Variants in ATRX observed in about 807,000 individuals in gnomAD.
The protein encoded by ATRX is ATRX chromatin remodeler.
In ATRX, 12 loss-of-function variants were observed where a neutral mutation model predicts 172.6. The observed-to-expected ratio is 0.07, with a 90% CI of 0.04 to 0.11. The LOEUF is 0.11. Among genes scored for constraint, ATRX ranks in the 10% least tolerant of loss-of-function variants. The pLI, the probability that ATRX is intolerant of heterozygous loss-of-function variation, is 1.00. For missense variants in ATRX, 1,368 were observed against 1,767.4 expected (o/e 0.77, Z 4.05); for synonymous variants, 674 against 594.7 (o/e 1.13, Z -1.94).
At chrX:77,519,907 G>A (rs2063172129) in intron 34 of ATRX, among the ~76,000 whole-genome samples, 2 of 111,910 alleles carry the variant, frequency 1.8e-5, no homozygotes, top group Admixed American at 9.5e-5. Context: ...AGCAACCTAA[G>A]TATCAACCAA....
At chrX:77,750,841 C>T (rs192477974) in intron 1 of ATRX, among the ~76,000 whole-genome samples, 1 of 111,474 alleles carries the variant, frequency 9.0e-6, no homozygotes, top group Non-Finnish European at 1.9e-5. Flanking sequence ...CATCCATGTA[C>T]CTGCAAAAGA....
intron 1 of ATRX, among the ~76,000 whole-genome samples, chrX:77,747,742 G>A (rs190796806): frequency 9.0e-6 from 1 of 110,799 alleles, no homozygotes; most frequent in Admixed American, 9.7e-5. Flanking sequence ...TAGAAAAGGG[G>A]GATCCATCTC....
chrX:77,702,703 C>T (rs191894929), intron 2 of ATRX, among the ~76,000 whole-genome samples: 2 of 111,470 alleles, frequency 1.8e-5, no homozygotes, highest in Admixed American at 1.9e-4. Context: ...TGGAAAAACA[C>T]TTCATGTTCA....
At chrX:77,665,009 A>C (rs2148500536) in intron 10 of ATRX, among the ~76,000 whole-genome samples, 1 of 112,335 alleles carries the variant, frequency 8.9e-6, no homozygotes, top group East Asian at 2.8e-4. Context: ...TCTGCAATAT[A>C]TTGAAAACTC....
At chrX:77,604,051 A>C (rs1424848952) in intron 22 of ATRX, among the ~76,000 whole-genome samples, 1 of 112,531 alleles carries the variant, frequency 8.9e-6, no homozygotes, top group Non-Finnish European at 1.9e-5. Flanking sequence ...CTAGAGAAGT[A>C]ACCTAGAGAA....
At chrX:77,534,094 T>G (rs2063672982) in intron 30 of ATRX, among the ~76,000 whole-genome samples, 1 of 112,259 alleles carries the variant, frequency 8.9e-6, no homozygotes, top group Non-Finnish European at 1.9e-5. Context: ...AAGCATGCTT[T>G]CCATAATTTT....
chrX:77,553,517 T>G (rs1557057365), intron 30 of ATRX, among the ~76,000 whole-genome samples: 1 of 112,041 alleles, frequency 8.9e-6, no homozygotes, highest in Admixed American at 9.5e-5. Flanking sequence ...TTCTATGATT[T>G]GATTCCCACC....
chrX:77,719,610 G>A (rs782321480), intron 1 of ATRX, among the ~76,000 whole-genome samples: 89 of 111,208 alleles, frequency 8.0e-4, no homozygotes, highest in Non-Finnish European at 1.5e-3. Flanking sequence ...ATGGTAAAGG[G>A]ATCAAAGCAA....
chrX:77,755,929 T>A (rs1421766587), intron 1 of ATRX, among the ~76,000 whole-genome samples: 1 of 112,361 alleles, frequency 8.9e-6, no homozygotes, highest in Non-Finnish European at 1.9e-5. Flanking sequence ...AACATTTAAG[T>A]CTGCTGAAGC....
chrX:77,519,943 G>A (rs782234642), intron 34 of ATRX, among the ~76,000 whole-genome samples: 1 of 111,982 alleles, frequency 8.9e-6, no homozygotes, highest in East Asian at 2.8e-4. Context: ...AGAATATGTG[G>A]TACATATATA....
chrX:77,704,896 C>A (rs1557156087), intron 2 of ATRX, among the ~76,000 whole-genome samples: 1 of 112,079 alleles, frequency 8.9e-6, no homozygotes, highest in Non-Finnish European at 1.9e-5. Flanking sequence ...GCAGCCCCCC[C>A]ATGATTTGGG....
chrX:77,700,287 C>G (rs782724556), intron 2 of ATRX, among the ~76,000 whole-genome samples: 1 of 111,704 alleles, frequency 9.0e-6, no homozygotes, highest in South Asian at 3.7e-4. Flanking sequence ...AAACAATATA[C>G]CCCTGCATGC....
chrX:77,670,410 G>A (rs1224054547), intron 10 of ATRX, among the ~76,000 whole-genome samples: 1 of 112,067 alleles, frequency 8.9e-6, no homozygotes, highest in Admixed American at 9.4e-5. Context: ...TTAGTAGGGT[G>A]TGAGGCTTTG....
chrX:77,697,531 G>A, intron 4 of ATRX, 52 bp downstream of exon 4: 2 of 1,172,602 alleles, frequency 1.7e-6, no homozygotes, highest in Non-Finnish European at 2.3e-6. Context: ...TTTAGAAACA[G>A]AAAATAACCT....
chrX:77,578,280 C>G (rs782068496), intron 27 of ATRX, among the ~76,000 whole-genome samples: 1 of 111,694 alleles, frequency 9.0e-6, no homozygotes, highest in African/African-American at 3.3e-5. Context: ...GGGCTTGGAG[C>G]CAGTAAAATG....
At chrX:77,588,763 A>G (rs1268750394) in intron 27 of ATRX, among the ~76,000 whole-genome samples, 2 of 111,887 alleles carry the variant, frequency 1.8e-5, no homozygotes, top group Non-Finnish European at 3.8e-5. Context: ...TTTAAAACAC[A>G]TTTCAACAAC....
chrX:77,762,304 C>CAAAAAAAAAAAAAAAAAA (rs782237740), intron 1 of ATRX, among the ~76,000 whole-genome samples: 1 of 23,412 alleles, frequency 4.3e-5, no homozygotes, highest in Non-Finnish European at 7.9e-5. Flanking sequence ...GACTCTGTCT[C>CAAAAAAAAAAAAAAAAAA]AAAAAAAAAA....
At chrX:77,714,733 T>C (rs1557163710) in intron 2 of ATRX, among the ~76,000 whole-genome samples, 2 of 111,678 alleles carry the variant, frequency 1.8e-5, no homozygotes, top group South Asian at 3.7e-4. Flanking sequence ...AACACACCTG[T>C]ACATTTCAAA....
In ATRX at chrX:77,523,368, T is replaced by G; in HGVS notation, c.6733A>C (p.Lys2245Gln). The change falls in exon 31 of 35, where the codon AAA (lysine) becomes CAA (glutamine). Residue 2245 changes from lysine (K) to glutamine (Q), a missense_variant. Physicochemically the swap from Lys to Gln is moderately conservative, Grantham distance 53. This residue lies in a region of ATRX where 18 missense variants were observed against 52.4 expected (regional missense o/e 0.34). Transcript: ENST00000373344. ...TILAELLQIH[K>Q]EHIVGYHEHD... ...TCATGGTATCCTACAATGTGTTCTT[T>G]ATGTATCTGAAGGAGCTCTGCAAGT... 8.3e-7 allele frequency: 1 copy of G among 1,209,432 alleles called. No homozygotes were observed. Among genetic ancestry groups the G allele is most frequent in the Non-Finnish European group, 1.1e-6 (1 of 893,524 alleles).
Sources: gnomAD v4.1 joint callset for allele counts (sites outside exome capture counted in the v4.1 genomes callset) on GRCh38, gnomAD v4.1.1 for gene constraint, gnomAD v4.1.1 regional missense constraint, MANE v1.5 for transcripts, NCBI Gene and HGNC (gene_info 2026-07-23, HGNC 2026-07-21) for gene names.